The following HDHD2 variants were observed in gnomAD, a reference collection of about 807,000 sequenced individuals.
The protein encoded by HDHD2 is haloacid dehalogenase like hydrolase domain containing 2, also known as haloacid dehalogenase-like hydrolase domain-containing protein 2.
In HDHD2, 26 loss-of-function variants were observed where a neutral mutation model predicts 24.8. That is an observed-to-expected ratio of 1.05 (90% CI 0.77 to 1.45). The LOEUF (loss-of-function observed/expected upper bound fraction) is 1.45. Among genes scored for constraint, HDHD2 ranks in the 40% most tolerant of loss-of-function variants. The pLI is 0.00. For missense variants in HDHD2, 299 were observed against 313.4 expected, an observed-to-expected ratio of 0.95 and a Z score of 0.35; for synonymous variants, 128 against 114.9, an observed-to-expected ratio of 1.11 and a Z score of -0.73.
At chr18:47,140,766 C>G (rs879455987) in intron 1 of HDHD2, among the ~76,000 whole-genome samples, 2 of 152,210 alleles carry the variant, frequency 1.3e-5, no homozygotes, top group Non-Finnish European at 2.9e-5. Context: ...ATCCTCCCAC[C>G]TTGGCCTTCC....
chr18:47,138,171 C>CA lies in HDHD2; in HGVS notation c.-10-1723dup, dbSNP rs58644217. Among the ~76,000 whole-genome samples the CA allele has an allele frequency of 6.2e-3, 342 of 54,904 alleles. 23 individuals carry two copies. Among genetic ancestry groups the CA allele is most frequent in the East Asian group, 0.014 (20 of 1,386 alleles). The allele number at this position is 54,904 out of a possible 152,430, so 36.0% of individuals were successfully genotyped here. ...TGGGCGATAGTGTGAGATTCTGTCGCAAAAAAAAAAAAAAAAAAAAAAAAA... is the reference window on the plus strand; with the variant it reads ...TGGGCGATAGTGTGAGATTCTGTCGCAAAAAAAAAAAAAAAAAAAAAAAAAA... On this transcript the variant is annotated intron_variant, in intron 1 of 6. Transcript: ENST00000300605.
chr18:47,122,235 A>G (rs2063614177), intron 4 of HDHD2, among the ~76,000 whole-genome samples: 1 of 152,252 alleles, frequency 6.6e-6, no homozygotes, highest in Non-Finnish European at 1.5e-5. Context: ...TCATAAATGT[A>G]GGAAGTATAG....
chr18:47,123,449 A>G (rs1407121006), intron 4 of HDHD2, among the ~76,000 whole-genome samples: 1 of 152,054 alleles, frequency 6.6e-6, no homozygotes, highest in African/African-American at 2.4e-5. Context: ...TTAGCCAGGC[A>G]TGGTGGCGCA....
At chr18:47,146,740 G>C (rs944446564) in intron 1 of HDHD2, among the ~76,000 whole-genome samples, 3 of 152,102 alleles carry the variant, frequency 2.0e-5, no homozygotes, top group African/African-American at 7.2e-5. Context: ...AGTCAAAAAA[G>C]AATATATACA....
intron 4 of HDHD2, among the ~76,000 whole-genome samples, chr18:47,116,749 GC>G (rs2063561189): frequency 6.6e-6 from 1 of 152,078 alleles, no homozygotes; most frequent in Non-Finnish European, 1.5e-5. Context: ...CCACCCCCAA[GC>G]CCACTTATTT....
chr18:47,108,558 A>G lies in HDHD2; in HGVS notation c.*124T>C, dbSNP rs1431259467. ...CCTTTCTTTCTAATTAATGCACAACAAAAGAGGGTTAAAAAGCGATCAGCA... is the reference window on the plus strand; with the variant it reads ...CCTTTCTTTCTAATTAATGCACAACGAAAGAGGGTTAAAAAGCGATCAGCA... On this transcript the variant is annotated 3_prime_UTR_variant, in exon 7 of 7. Transcript: ENST00000300605. 1 of 532,638 alleles carries G rather than the reference A, an allele frequency of 1.9e-6. No homozygotes were observed. The highest frequency in any genetic ancestry group is 3.3e-6 in the Non-Finnish European group (1 of 303,128). 33.0% of individuals were successfully genotyped at this position (532,638 alleles called of 1,614,324 possible). A position where few individuals can be genotyped will look rare whatever the true frequency, so the allele number is the denominator to read the frequency against.
intron 6 of HDHD2, among the ~76,000 whole-genome samples, chr18:47,111,956 G>A (rs1403224811): frequency 6.6e-6 from 1 of 152,046 alleles, no homozygotes; most frequent in Non-Finnish European, 1.5e-5. Context: ...ATGAAACCAG[G>A]CAAATGAGCT....
intron 1 of HDHD2, among the ~76,000 whole-genome samples, chr18:47,144,074 T>C (rs2063844287): frequency 6.6e-6 from 1 of 152,026 alleles, no homozygotes; most frequent in African/African-American, 2.4e-5. Flanking sequence ...CACATGTGTG[T>C]GTGCACGTCT....
intron 6 of HDHD2, chr18:47,110,169 C>T (rs2063504105): frequency 1.0e-6 from 1 of 985,338 alleles, no homozygotes. Context: ...CTTTAAGAGG[C>T]TTTGCCAGAC....
intron 1 of HDHD2, among the ~76,000 whole-genome samples, chr18:47,138,407 T>C (rs2063788038): frequency 6.6e-6 from 1 of 151,934 alleles, no homozygotes; most frequent in Admixed American, 6.6e-5. Flanking sequence ...TACAAAACAA[T>C]TGGCTGGGTG....
Position 47,115,188 on chromosome 18 carries a change from A to T in HDHD2, c.556T>A (p.Leu186Met), listed in dbSNP as rs1279705520. 1 of 1,613,894 alleles carries T rather than the reference A, an allele frequency of 6.2e-7. No homozygotes were observed. The highest frequency in any genetic ancestry group is 1.3e-5 in the African/African-American group (1 of 75,000). ...VVGKPEKTFF[L>M]EALRGTGCEP... ...CAGCCAGTGCCCCGCAATGCTTCCA[A>T]AAAGAACGTCTTCTCTGGTTTCCCC... Residue 186 changes from leucine (L) to methionine (M), a missense_variant, in exon 5 of 7, where the codon TTG becomes ATG. Transcript: ENST00000300605.
intron 4 of HDHD2, among the ~76,000 whole-genome samples, chr18:47,123,501 C>T (rs556593890): frequency 2.0e-5 from 3 of 152,154 alleles, no homozygotes; most frequent in Admixed American, 1.3e-4. Flanking sequence ...GCAGAAGAAT[C>T]GCTTGAACCT....
chr18:47,146,229 CAAAAA>C (rs61430354), intron 1 of HDHD2, among the ~76,000 whole-genome samples: 1 of 58,936 alleles, frequency 1.7e-5, no homozygotes. Context: ...GAATGTGTCT[CAAAAA>C]AAAAAAAAAA....
chr18:47,107,706 T>C lies in HDHD2; in HGVS notation c.*976A>G, dbSNP rs2063485829. Reference sequence around the variant, plus strand: ...ATCCATGCTACAAGACGAGATTTCATTTTACAGCTGTAGTAACCAAGTGCA... The same window carrying C: ...ATCCATGCTACAAGACGAGATTTCACTTTACAGCTGTAGTAACCAAGTGCA... On this transcript the variant is annotated 3_prime_UTR_variant, in exon 7 of 7. Transcript: ENST00000300605. 1 of 152,578 alleles carries C rather than the reference T, an allele frequency of 6.6e-6. No individual in the cohort carries two copies. Among genetic ancestry groups the C allele is most frequent in the African/African-American group, 2.4e-5 (1 of 41,450 alleles). 9.5% of individuals were successfully genotyped at this position (152,578 alleles called of 1,614,324 possible).
rs2063492734 is a variant in HDHD2 at position 47,108,721 on chromosome 18, G to A, written c.741C>T (p.Phe247=). 5 of 1,610,214 alleles carry A rather than the reference G, an allele frequency of 3.1e-6. No homozygotes were observed. The highest frequency in any genetic ancestry group is 4.2e-6 in the Non-Finnish European group (5 of 1,176,974). ...GCAGAATGTGGTCCACAGCATGAGG[G>A]AAACTCTCACAAGTTAAGTAAGGAG... The part of the protein sequence containing the change: ...NPPPYLTCES[F]PHAVDHILQH... The change falls in exon 7 of 7, where the codon TTC becomes TTT. Residue 247 remains phenylalanine, a synonymous_variant. Coordinates refer to ENST00000300605, the MANE Select transcript of HDHD2 (RefSeq NM_032124.5).
intron 6 of HDHD2, among the ~76,000 whole-genome samples, chr18:47,112,378 C>T (rs531702394): frequency 3.3e-5 from 5 of 152,086 alleles, no homozygotes; most frequent in South Asian, 2.1e-4. Flanking sequence ...AACCAGTCTA[C>T]GGTGGTCATA....
At chr18:47,127,888 A>C (rs1370793295) in intron 4 of HDHD2, among the ~76,000 whole-genome samples, 1 of 152,222 alleles carries the variant, frequency 6.6e-6, no homozygotes, top group East Asian at 1.9e-4. Flanking sequence ...ATGCCTCTGA[A>C]GCCAGCATGC....
intron 6 of HDHD2, chr18:47,110,302 G>A: frequency 1.0e-6 from 1 of 985,322 alleles, no homozygotes; most frequent in Non-Finnish European, 1.2e-6. Context: ...AATGTACAAA[G>A]GTAATTAATA....
intron 4 of HDHD2, among the ~76,000 whole-genome samples, chr18:47,128,682 A>G (rs2063683295): frequency 6.6e-6 from 1 of 152,270 alleles, no homozygotes; most frequent in African/African-American, 2.4e-5. Context: ...TGACTATCAC[A>G]GTGACTAGAG....
Sources: allele counts gnomAD v4.1 joint callset (sites outside exome capture counted in the v4.1 genomes callset), GRCh38; gene constraint gnomAD v4.1.1; transcripts MANE v1.5; gene names NCBI Gene and HGNC (gene_info 2026-07-23, HGNC 2026-07-21).